TDRP: variants seen among roughly 807,000 people sequenced by gnomAD.
The protein encoded by TDRP is testis development related protein.
TDRP carries 12 observed loss-of-function variants against 10.5 expected under a neutral mutation model. The observed-to-expected ratio is 1.15, with a 90% CI of 0.73 to 1.86. The LOEUF is 1.86. TDRP is among the 40% of genes most tolerant of loss of function. The pLI is 0.00. For missense variants in TDRP, 353 were observed against 229.2 expected, an observed-to-expected ratio of 1.54 and a Z score of -3.49; for synonymous variants, 139 against 95.4, an observed-to-expected ratio of 1.46 and a Z score of -2.67.
intron 1 of TDRP, among the ~76,000 whole-genome samples, chr8:520,021 G>A (rs916896420): frequency 1.3e-5 from 2 of 152,222 alleles, no homozygotes; most frequent in African/African-American, 2.4e-5. Flanking sequence ...AGGGAATGGA[G>A]GTCACAGCAC....
At position 512,682 on chromosome 8, in the gene TDRP, C is replaced by T. The variant is rs1801651168; in HGVS notation, c.109-18085G>A. Among the ~76,000 whole-genome samples the T allele has an allele frequency of 2.6e-5, 4 of 151,920 alleles. No individual in the cohort carries two copies. The South Asian group carries it at 8.3e-4, about 32-fold the overall frequency. Reference sequence around the variant, plus strand: ...ACACAAAATCTGAATACATATATAACAAGTGAAGAGACCAGGTGCAGTGGT... The same window carrying T: ...ACACAAAATCTGAATACATATATAATAAGTGAAGAGACCAGGTGCAGTGGT... On this transcript the variant is annotated intron_variant, in intron 1 of 2. Coordinates refer to ENST00000324079, the MANE Select transcript of TDRP (RefSeq NM_001384899.1).
Position 491,559 on chromosome 8 carries a change from A to C in TDRP, c.*840T>G. 2.0e-6 allele frequency: 3 copies of C among 1,470,538 alleles called. No homozygotes were observed. Among genetic ancestry groups the C allele is most frequent in the Non-Finnish European group, 2.7e-6 (3 of 1,112,926 alleles). The allele number at this position is 1,470,538 out of a possible 1,614,324, so 91.1% of individuals were successfully genotyped here. ...CAAGAACAAACATATGAGCCTAATA[A>C]AAAAGAGGCACTTCAGTATTTTATG... is the stretch of plus-strand genomic sequence containing the variant. On this transcript the variant is annotated 3_prime_UTR_variant, in exon 3 of 3. Transcript: ENST00000324079.
rs543187495 is a variant in TDRP at position 536,003 on chromosome 8, C to A, written c.108+8647G>T. Among the ~76,000 whole-genome samples the A allele has an allele frequency of 2.6e-5, 4 of 152,312 alleles. No individual in the cohort carries two copies. In the South Asian group the frequency reaches 8.3e-4, roughly 32 times the overall value. ...ATAAGAATAGCAGCTTTTAGACATT[C>A]TAAGTCATGCCACCTTAAGCCCTAG... On this transcript the variant is annotated intron_variant, in intron 1 of 2. Coordinates refer to ENST00000324079, the MANE Select transcript of TDRP (RefSeq NM_001384899.1).
intron 1 of TDRP, among the ~76,000 whole-genome samples, chr8:530,619 T>C (rs1290591064): frequency 6.6e-6 from 1 of 152,158 alleles, no homozygotes; most frequent in East Asian, 1.9e-4. Flanking sequence ...TGCCAGTTTC[T>C]TTTCAGTTGC....
At chr8:541,560 T>C (rs1367777965) in intron 1 of TDRP, among the ~76,000 whole-genome samples, 2 of 152,120 alleles carry the variant, frequency 1.3e-5, no homozygotes, top group Non-Finnish European at 1.5e-5. Flanking sequence ...AACTCAACAA[T>C]GAGAAATCAA....
intron 1 of TDRP, among the ~76,000 whole-genome samples, chr8:541,719 T>C (rs1802499701): frequency 6.6e-6 from 1 of 152,156 alleles, no homozygotes; most frequent in African/African-American, 2.4e-5. Flanking sequence ...ACCACACACC[T>C]ACTAGGATGG....
intron 1 of TDRP, among the ~76,000 whole-genome samples, chr8:537,315 G>A (rs893630597): frequency 6.6e-6 from 1 of 152,182 alleles, no homozygotes; most frequent in African/African-American, 2.4e-5. Flanking sequence ...CCTGAATGCA[G>A]CTGTCCCAGG....
At chr8:520,675 T>A (rs1367143126) in intron 1 of TDRP, among the ~76,000 whole-genome samples, 1 of 152,200 alleles carries the variant, frequency 6.6e-6, no homozygotes, top group Non-Finnish European at 1.5e-5. Flanking sequence ...GGTTTTGATT[T>A]GTATTTCCCT....
intron 1 of TDRP, among the ~76,000 whole-genome samples, chr8:518,526 C>T (rs1421288907): frequency 2.0e-5 from 3 of 152,052 alleles, no homozygotes; most frequent in Non-Finnish European, 4.4e-5. Context: ...TTTTAGTATA[C>T]AGTAAGAGGT....
chr8:537,351 C>G (rs888830186), intron 1 of TDRP, among the ~76,000 whole-genome samples: 1 of 152,252 alleles, frequency 6.6e-6, no homozygotes, highest in African/African-American at 2.4e-5. Context: ...CCACACCCCA[C>G]TGTCCACATC....
intron 1 of TDRP, among the ~76,000 whole-genome samples, chr8:508,480 C>T (rs1584861883): frequency 6.6e-6 from 1 of 152,146 alleles, no homozygotes; most frequent in Non-Finnish European, 1.5e-5. Flanking sequence ...AATATGGCAG[C>T]ATTCAAGACA....
chr8:536,873 C>T (rs1300480044), intron 1 of TDRP, among the ~76,000 whole-genome samples: 2 of 152,198 alleles, frequency 1.3e-5, no homozygotes, highest in Non-Finnish European at 2.9e-5. Flanking sequence ...AATATCGTAA[C>T]TGACCCTTCC....
At chr8:516,590 C>T (rs896656190) in intron 1 of TDRP, among the ~76,000 whole-genome samples, 1 of 152,130 alleles carries the variant, frequency 6.6e-6, no homozygotes, top group African/African-American at 2.4e-5. Context: ...ACTGACAAAA[C>T]CCAGACCCCC....
intron 1 of TDRP, among the ~76,000 whole-genome samples, chr8:499,032 G>A (rs964955554): frequency 1.3e-5 from 2 of 152,114 alleles, no homozygotes; most frequent in Non-Finnish European, 2.9e-5. Context: ...CCAGTCTCAG[G>A]TAGTTCTTTA....
intron 1 of TDRP, among the ~76,000 whole-genome samples, chr8:517,096 T>C (rs1484304112): frequency 6.6e-6 from 1 of 152,172 alleles, no homozygotes; most frequent in Non-Finnish European, 1.5e-5. Flanking sequence ...CTCATTATAC[T>C]TTCCTCCCTT....
chr8:503,679 G>A (rs1422709348), intron 1 of TDRP, among the ~76,000 whole-genome samples: 3 of 140,446 alleles, frequency 2.1e-5, no homozygotes, highest in African/African-American at 5.4e-5. Flanking sequence ...ACACCAACAC[G>A]GAATCCACGC....
intron 1 of TDRP, among the ~76,000 whole-genome samples, chr8:541,291 A>G (rs540513908): frequency 2.3e-4 from 35 of 152,248 alleles, no homozygotes; most frequent in Non-Finnish European, 1.8e-4. Context: ...ACCTTAATAA[A>G]GTAACATAAA....
At chr8:527,992 T>A (rs935345359) in intron 1 of TDRP, among the ~76,000 whole-genome samples, 2 of 151,912 alleles carry the variant, frequency 1.3e-5, no homozygotes, top group Admixed American at 1.3e-4. Context: ...TGGGAAAAAA[T>A]ATCTGCAAAC....
At chr8:509,104 A>G (rs1801542241) in intron 1 of TDRP, among the ~76,000 whole-genome samples, 2 of 152,136 alleles carry the variant, frequency 1.3e-5, no homozygotes, top group African/African-American at 2.4e-5. Flanking sequence ...GGGCAGCTCC[A>G]CCCCTGTGGC....
Sources: allele counts gnomAD v4.1 joint callset (sites outside exome capture counted in the v4.1 genomes callset), GRCh38; gene constraint gnomAD v4.1.1; transcripts MANE v1.5; gene names NCBI Gene and HGNC (gene_info 2026-07-23, HGNC 2026-07-21).